Variants in IDE observed in about 807,000 individuals in gnomAD.
IDE encodes insulin degrading enzyme.
IDE carries 58 observed loss-of-function variants against 133.2 expected under a neutral mutation model. That is an observed-to-expected ratio of 0.44 (90% CI 0.35 to 0.54). The LOEUF is 0.54. IDE is among the 20% of genes least tolerant of loss of function. The probability of loss-of-function intolerance (pLI) is 0.00; values close to 1 mark genes in which losing one functional copy is unlikely to be tolerated. For synonymous variants in IDE, 396 were observed against 421.3 expected (o/e 0.94, Z 0.73); for missense variants, 981 against 1,234.0 (o/e 0.79, Z 3.07).
At chr10:92,515,995 C>T (rs1295893679) in intron 4 of IDE, among the ~76,000 whole-genome samples, 2 of 148,960 alleles carry the variant, frequency 1.3e-5, no homozygotes, top group African/African-American at 4.9e-5. Flanking sequence ...CATGGAGAAA[C>T]ACCGTCTCTA....
intron 1 of IDE, among the ~76,000 whole-genome samples, chr10:92,550,551 T>C (rs894761277): frequency 2.7e-5 from 4 of 149,572 alleles, no homozygotes; most frequent in African/African-American, 9.9e-5. Flanking sequence ...ATCGGGAGGC[T>C]GAGACAGGAG....
chr10:92,454,981 A>C (rs1844915212), intron 24 of IDE, among the ~76,000 whole-genome samples: 2 of 152,106 alleles, frequency 1.3e-5, no homozygotes, highest in South Asian at 4.1e-4. Context: ...AGAGACTAAG[A>C]AGTCTCTCTC....
rs1301151598 is a variant in IDE, at chr10:92,475,931, C to T, written c.1948G>A (p.Ala650Thr). 2.1e-5 allele frequency: 33 copies of T among 1,548,368 alleles called. No homozygotes were observed. The highest frequency in any genetic ancestry group is 2.8e-5 in the Non-Finnish European group (32 of 1,132,164). ...ILLKKIIEKM[A>T]TFEIDEKRFE... The stretch of plus-strand genomic sequence containing the variant: ...CTTTTTTCATCAATCTCAAAGGTAG[C>T]CATTTTCTCAATAATCTTCTTTAGT... The change falls in exon 16 of 25, where the codon GCT becomes ACT. Residue 650 changes from alanine (A) to threonine (T), a missense_variant. Ala to Thr is a moderately conservative substitution (Grantham distance 58). This residue lies in a region of IDE where 660 missense variants were observed against 894.7 expected (regional missense o/e 0.74). Coordinates refer to ENST00000265986, the MANE Select transcript of IDE (RefSeq NM_004969.4).
At chr10:92,550,973 C>T (rs1475589048) in intron 1 of IDE, among the ~76,000 whole-genome samples, 2 of 152,202 alleles carry the variant, frequency 1.3e-5, no homozygotes, top group African/African-American at 2.4e-5. Flanking sequence ...CAAAATGGTA[C>T]AGCAGTATGG....
chr10:92,530,139 T>C (rs1379864024), intron 4 of IDE, among the ~76,000 whole-genome samples: 1 of 152,016 alleles, frequency 6.6e-6, no homozygotes, highest in African/African-American at 2.4e-5. Context: ...GGCAGGAGAA[T>C]TGCTGGAACC....
chr10:92,483,213 T>G (rs1182614891), intron 14 of IDE, 42 bp downstream of exon 14: 1 of 1,010,474 alleles, frequency 9.9e-7, no homozygotes, highest in Non-Finnish European at 1.6e-6. Context: ...AACGTAATTG[T>G]TGATTTTTAT....
At chr10:92,566,792 G>A (rs1450566007) in intron 1 of IDE, among the ~76,000 whole-genome samples, 1 of 152,098 alleles carries the variant, frequency 6.6e-6, no homozygotes, top group Non-Finnish European at 1.5e-5. Context: ...TTGAGGGGAT[G>A]ACTACCCCCC....
chr10:92,573,230 C>G (rs1273777316), intron 1 of IDE: 1 of 960,418 alleles, frequency 1.0e-6, no homozygotes, highest in Non-Finnish European at 1.2e-6. Flanking sequence ...GTGTCCTAAT[C>G]CTGGTTTTGC....
intron 21 of IDE, among the ~76,000 whole-genome samples, chr10:92,462,419 G>A (rs1845443961): frequency 2.0e-5 from 3 of 151,324 alleles, no homozygotes; most frequent in Admixed American, 6.6e-5. Flanking sequence ...TTGGGAGTTC[G>A]AGACCACCCT....
intron 9 of IDE, among the ~76,000 whole-genome samples, chr10:92,506,932 T>C (rs1043199741): frequency 2.0e-5 from 3 of 152,204 alleles, no homozygotes; most frequent in Admixed American, 6.5e-5. Flanking sequence ...TTAGGAGTTA[T>C]TGTCATAATT....
chr10:92,550,562 A>T (rs2135754355), intron 1 of IDE, among the ~76,000 whole-genome samples: 1 of 151,600 alleles, frequency 6.6e-6, no homozygotes, highest in African/African-American at 2.4e-5. Flanking sequence ...GAGACAGGAG[A>T]ATGGTGTGAA....
At chr10:92,456,844 C>CAAAAAAAAAAAAAAAAAAAAAA (rs57422406) in intron 22 of IDE, among the ~76,000 whole-genome samples, 1 of 52,162 alleles carries the variant, frequency 1.9e-5, no homozygotes, top group Non-Finnish European at 3.5e-5. Flanking sequence ...GACTCTGTCT[C>CAAAAAAAAAAAAAAAAAAAAAA]AAAAAAAAAA....
intron 17 of IDE, among the ~76,000 whole-genome samples, chr10:92,471,218 C>T (rs1385703820): frequency 1.3e-5 from 2 of 152,084 alleles, no homozygotes; most frequent in African/African-American, 2.4e-5. Flanking sequence ...TTTAATCCTT[C>T]TGTAAGGAAG....
In IDE at chr10:92,565,176, G is replaced by A. The variant is rs531246897; in HGVS notation, c.98+8746C>T. On this transcript the variant is annotated intron_variant, in intron 1 of 24. Coordinates refer to ENST00000265986, the MANE Select transcript of IDE (RefSeq NM_004969.4). ...ACAGAATTGCTTGAACCCAGGAGGC[G>A]GAGGCTGCAGTGGGTCAAGATCTCG... 2.7e-3 allele frequency among the ~76,000 whole-genome samples: 415 copies of A among 151,164 alleles called. 1 individual carries two copies. Among genetic ancestry groups the A allele is most frequent in the Middle Eastern group, 6.9e-3 (2 of 290 alleles).
At chr10:92,523,295 CGTT>C (rs1233839223) in intron 4 of IDE, among the ~76,000 whole-genome samples, 2 of 151,850 alleles carry the variant, frequency 1.3e-5, no homozygotes, top group East Asian at 3.9e-4. Flanking sequence ...GCAGGAGAAT[CGTT>C]TGAACCCAGG....
intron 20 of IDE, 72 bp downstream of exon 20, chr10:92,465,604 G>A (rs888048312): frequency 7.3e-7 from 1 of 1,363,522 alleles, no homozygotes; most frequent in Non-Finnish European, 1.0e-6. Context: ...GTGAAAATGT[G>A]GAAAATGTTT....
intron 20 of IDE, among the ~76,000 whole-genome samples, chr10:92,465,427 C>T (rs1845628714): frequency 6.6e-6 from 1 of 152,142 alleles, no homozygotes. Flanking sequence ...TTTTCCCCCA[C>T]CTAAAATGCC....
intron 11 of IDE, among the ~76,000 whole-genome samples, chr10:92,495,444 C>T (rs1847628623): frequency 6.6e-6 from 1 of 152,100 alleles, no homozygotes; most frequent in African/African-American, 2.4e-5. Context: ...TGGTCTCAAA[C>T]TCCCGACCTT....
At chr10:92,531,000 T>A (rs1589487764) in intron 4 of IDE, among the ~76,000 whole-genome samples, 1 of 152,204 alleles carries the variant, frequency 6.6e-6, no homozygotes, top group African/African-American at 2.4e-5. Context: ...ATTATTCTTA[T>A]GTACTTTTAT....
Sources: allele counts gnomAD v4.1 joint callset (sites outside exome capture counted in the v4.1 genomes callset), GRCh38; gene constraint gnomAD v4.1.1; regional missense constraint gnomAD v4.1.1; transcripts MANE v1.5; gene names NCBI Gene and HGNC (gene_info 2026-07-23, HGNC 2026-07-21).